The following HELZ variants were observed in gnomAD, a reference collection of about 807,000 sequenced individuals.
HELZ encodes the protein helicase with zinc finger.
HELZ carries 23 observed loss-of-function variants against 218.2 expected under a neutral mutation model. That is an observed-to-expected ratio of 0.11 (90% CI 0.08 to 0.15). The LOEUF (loss-of-function observed/expected upper bound fraction) is 0.15. Ranked by LOEUF, HELZ falls within the 10% of genes least tolerant of loss-of-function variation. The probability of loss-of-function intolerance (pLI) is 1.00; values close to 1 mark genes in which losing one functional copy is unlikely to be tolerated. For synonymous variants in HELZ, 814 were observed against 829.4 expected (o/e 0.98, Z 0.32); for missense variants, 1,813 against 2,353.7 (o/e 0.77, Z 4.75).
chr17:67,190,708 G>C (rs923110240), intron 9 of HELZ, among the ~76,000 whole-genome samples: 1 of 151,882 alleles, frequency 6.6e-6, no homozygotes, highest in African/African-American at 2.4e-5. Context: ...TTTTGTTTTT[G>C]ATTTTTTGTT....
rs2037680769 is a variant in HELZ, at chr17:67,123,414, A to ACTCAGGTTC, written c.3440-255_3440-254insGAACCTGAG. The stretch of plus-strand genomic sequence containing the variant: ...CATAATTTTAAATATTTTCTGAGGA[A>ACTCAGGTTC]CTCAGGATGTGTCTTTCAAGAGAGA... On this transcript the variant is annotated intron_variant, in intron 25 of 32. Coordinates refer to ENST00000358691, the MANE Select transcript of HELZ (RefSeq NM_014877.4). Among the ~76,000 whole-genome samples the ACTCAGGTTC allele has an allele frequency of 2.6e-5, 4 of 152,254 alleles. 1 individual carries two copies. In the South Asian group the frequency reaches 8.3e-4, roughly 32 times the overall value.
intron 5 of HELZ, among the ~76,000 whole-genome samples, chr17:67,206,144 A>C (rs1286567918): frequency 9.2e-5 from 14 of 152,370 alleles, no homozygotes; most frequent in Non-Finnish European, 4.4e-5. Flanking sequence ...TTAATAATAC[A>C]ATCTTGAACA....
chr17:67,179,157 T>C (rs2144227590), intron 12 of HELZ, among the ~76,000 whole-genome samples: 1 of 152,258 alleles, frequency 6.6e-6, no homozygotes, highest in Non-Finnish European at 1.5e-5. Context: ...AAAAACTTTT[T>C]ATCAGGCTAG....
rs1449583731 is a variant in HELZ, at chr17:67,074,781, C to T, written c.*3471G>A. On this transcript the variant is annotated 3_prime_UTR_variant, in exon 33 of 33. Transcript: ENST00000358691. ...TTCAGTGGGAATTCTGCTTATTTTA[C>T]TTATTCTGCAGTTCTCTGAACTGAA... 1 of 151,710 alleles carries T rather than the reference C, an allele frequency of 6.6e-6. No homozygotes were observed. Among genetic ancestry groups the T allele is most frequent in the Non-Finnish European group, 1.5e-5 (1 of 67,936 alleles). The allele number at this position is 151,710 out of a possible 1,614,324, so 9.4% of individuals were successfully genotyped here.
chr17:67,181,662 TA>T (rs1598383040), intron 12 of HELZ, among the ~76,000 whole-genome samples: 1 of 152,080 alleles, frequency 6.6e-6, no homozygotes, highest in Non-Finnish European at 1.5e-5. Context: ...TTAATGACTT[TA>T]AACACAGTGC....
intron 15 of HELZ, among the ~76,000 whole-genome samples, chr17:67,161,553 CAA>C (rs926183484): frequency 3.9e-4 from 59 of 152,178 alleles, no homozygotes; most frequent in African/African-American, 1.4e-3. Context: ...AGGTTTAAAA[CAA>C]GAGGAAAAGA....
chr17:67,136,141 T>C lies in HELZ; in HGVS notation c.3011A>G (p.His1004Arg), dbSNP rs747476249. ...STVRTRHTCK[H>R]KQTPIKKKEQ... Reference sequence around the variant, plus strand: ...TTTCTTTTTAATTGGTGTCTGTTTATGTTTACAAGTATGTCTTGTACGTAC... The same window carrying C: ...TTTCTTTTTAATTGGTGTCTGTTTACGTTTACAAGTATGTCTTGTACGTAC... Residue 1004 changes from histidine to arginine, a missense_variant, in exon 23 of 33, where the codon CAT becomes CGT. This residue lies in a region of HELZ where 156 missense variants were observed against 274.4 expected (regional missense o/e 0.57). Transcript: ENST00000358691. 6.2e-7 allele frequency: 1 copy of C among 1,614,068 alleles called. No homozygotes were observed.
intron 3 of HELZ, among the ~76,000 whole-genome samples, chr17:67,232,429 GGC>G (rs1451664094): frequency 6.6e-6 from 1 of 152,238 alleles, no homozygotes; most frequent in Non-Finnish European, 1.5e-5. Context: ...TGGGATTACA[GGC>G]GTGAGCCCCT....
chr17:67,190,009 A>T, intron 10 of HELZ, 148 bp downstream of exon 10: 1 of 676,704 alleles, frequency 1.5e-6, no homozygotes, highest in Non-Finnish European at 2.5e-6. Flanking sequence ...AAATGGGTCT[A>T]CTATAGCTAC....
At chr17:67,150,260 G>A in intron 18 of HELZ, 1 of 250,064 alleles carries the variant, frequency 4.0e-6, no homozygotes. Context: ...CTCCCAAGTA[G>A]CTGAGACTAC....
chr17:67,082,947 C>G (rs2036245055), intron 32 of HELZ, among the ~76,000 whole-genome samples: 1 of 149,316 alleles, frequency 6.7e-6, no homozygotes, highest in African/African-American at 2.5e-5. Context: ...ACCACCACCT[C>G]CTGGGTTCAA....
chr17:67,144,699 C>G (rs2038440237), intron 21 of HELZ, among the ~76,000 whole-genome samples: 1 of 151,940 alleles, frequency 6.6e-6, no homozygotes, highest in Non-Finnish European at 1.5e-5. Context: ...GCAGGGCCAC[C>G]AAGGCTTCTG....
intron 4 of HELZ, 137 bp downstream of exon 4, chr17:67,218,458 A>G: frequency 1.4e-6 from 1 of 712,200 alleles, no homozygotes; most frequent in East Asian, 2.6e-5. Context: ...TTACCTTGCC[A>G]TCAAATATAT....
chr17:67,134,920 T>A (rs1031106775), intron 23 of HELZ, among the ~76,000 whole-genome samples: 2 of 151,966 alleles, frequency 1.3e-5, no homozygotes, highest in Non-Finnish European at 2.9e-5. Context: ...TTTTAAGTAA[T>A]CCCTAGTGTA....
Position 67,152,783 on chromosome 17 carries a change from A to C in HELZ, c.2178-1559T>G, listed in dbSNP as rs560141436. On this transcript the variant is annotated intron_variant, in intron 17 of 32. Transcript: ENST00000358691. ...GAGTAGATTTAAAAAAAAAAAAAAA[A>C]AACAACTAGTGGAAGGAAGAATGAC... Among the ~76,000 whole-genome samples the C allele has an allele frequency of 2.6e-5, 4 of 151,638 alleles. No individual in the cohort carries two copies. In the South Asian group the frequency reaches 6.3e-4, roughly 24 times the overall value.
chr17:67,187,375 T>C (rs1056708999), intron 12 of HELZ, among the ~76,000 whole-genome samples: 14 of 152,136 alleles, frequency 9.2e-5, no homozygotes, highest in African/African-American at 3.4e-4. Context: ...ACCATCGTTG[T>C]TTCAACCTTA....
chr17:67,168,852 G>A (rs2039227394), intron 13 of HELZ, among the ~76,000 whole-genome samples: 1 of 152,196 alleles, frequency 6.6e-6, no homozygotes. Flanking sequence ...AGCACTATGG[G>A]AGGCTAAGGC....
rs552708577 is a variant in HELZ, at chr17:67,203,269, C to A, written c.372+50G>T. ...TTTCCCCACAATATACCTAAGGAAT[C>A]AAATAAAAATTTGTTTTCAGGCATA... is the stretch of plus-strand genomic sequence containing the variant. On this transcript the variant is annotated intron_variant, in intron 6 of 32. Transcript: ENST00000358691. 6.3e-6 allele frequency: 10 copies of A among 1,584,954 alleles called. 1 individual carries two copies. The highest frequency in any genetic ancestry group is 5.2e-5 in the Admixed American group (3 of 57,576).
intron 3 of HELZ, among the ~76,000 whole-genome samples, chr17:67,239,210 C>T (rs1598486903): frequency 6.6e-6 from 1 of 152,212 alleles, no homozygotes; most frequent in East Asian, 1.9e-4. Context: ...GATTAACCTA[C>T]CCTCACTCAT....
Sources: gnomAD v4.1 joint callset for allele counts (sites outside exome capture counted in the v4.1 genomes callset) on GRCh38, gnomAD v4.1.1 for gene constraint, gnomAD v4.1.1 regional missense constraint, MANE v1.5 for transcripts, NCBI Gene and HGNC (gene_info 2026-07-23, HGNC 2026-07-21) for gene names.